COL8A1: variants seen among roughly 807,000 people sequenced by gnomAD.
The protein encoded by COL8A1 is collagen alpha-1(VIII) chain.
Under a neutral mutation model 42.7 loss-of-function variants are expected in COL8A1, and 21 were observed. The observed-to-expected ratio is 0.49, with a 90% CI of 0.35 to 0.71. COL8A1 has a LOEUF of 0.71. Among genes scored for constraint, COL8A1 ranks in the 30% least tolerant of loss-of-function variants. COL8A1 has a pLI of 0.01. For synonymous variants in COL8A1, 367 were observed against 369.1 expected (o/e 0.99, Z 0.06); for missense variants, 788 against 962.4 (o/e 0.82, Z 2.40).
chr3:99,720,246 T>C lies in COL8A1; in HGVS notation c.-128-24651T>C, dbSNP rs150348860. 2.9e-3 allele frequency among the ~76,000 whole-genome samples: 435 copies of C among 152,268 alleles called. 2 individuals are homozygous for C. The highest frequency in any genetic ancestry group is 0.014 in the Middle Eastern group (4 of 294). On this transcript the variant is annotated intron_variant, in intron 1 of 3. Transcript: ENST00000652472. ...CTAGTAGATCTCTCTCTGCTAAGGT[T>C]AGAGCAAAGAAGGAGAGTTAACTTT... is the stretch of plus-strand genomic sequence containing the variant.
intron 1 of COL8A1, among the ~76,000 whole-genome samples, chr3:99,717,324 C>T (rs918035551): frequency 1.3e-5 from 2 of 151,970 alleles, no homozygotes; most frequent in African/African-American, 2.4e-5. Context: ...GCACCATTTT[C>T]CCTTTCAGCC....
At chr3:99,733,345 G>C (rs1397227531) in intron 1 of COL8A1, among the ~76,000 whole-genome samples, 1 of 131,300 alleles carries the variant, frequency 7.6e-6, no homozygotes, top group African/African-American at 3.0e-5. Flanking sequence ...TCCCCTTCCT[G>C]TGTCCATGTG....
At chr3:99,658,474 T>C (rs1025890774) in intron 1 of COL8A1, among the ~76,000 whole-genome samples, 2 of 152,220 alleles carry the variant, frequency 1.3e-5, no homozygotes, top group African/African-American at 4.8e-5. Context: ...AGCATCCTTC[T>C]ATGGCATCTA....
intron 1 of COL8A1, among the ~76,000 whole-genome samples, chr3:99,712,727 G>A (rs1326738166): frequency 1.3e-5 from 2 of 152,088 alleles, no homozygotes; most frequent in Non-Finnish European, 2.9e-5. Context: ...GAATTAGACA[G>A]ACATGGAAGC....
chr3:99,652,839 CCCT>C (rs1937890563), intron 1 of COL8A1, among the ~76,000 whole-genome samples: 1 of 152,120 alleles, frequency 6.6e-6, no homozygotes, highest in Admixed American at 6.6e-5. Flanking sequence ...TTTTAAATCC[CCCT>C]TTTTATTTAA....
intron 1 of COL8A1, among the ~76,000 whole-genome samples, chr3:99,710,301 C>T (rs1939798867): frequency 6.6e-6 from 1 of 152,104 alleles, no homozygotes; most frequent in African/African-American, 2.4e-5. Flanking sequence ...GAAATGGCAT[C>T]ATGGGGAGGA....
chr3:99,691,347 G>A (rs995265734), intron 1 of COL8A1: 3 of 152,098 alleles, frequency 2.0e-5, no homozygotes, highest in Non-Finnish European at 2.9e-5. Flanking sequence ...CTTATATAGG[G>A]TGTACTACCC....
chr3:99,748,002 A>C (rs923894306), intron 2 of COL8A1, among the ~76,000 whole-genome samples: 22 of 152,320 alleles, frequency 1.4e-4, no homozygotes, highest in African/African-American at 5.3e-4. Context: ...AATGCTTTAC[A>C]TGTGTATGGT....
At chr3:99,723,003 T>TTGTGTGTGTGTGTGTGTGTGTGTG (rs34062497) in intron 1 of COL8A1, among the ~76,000 whole-genome samples, 5 of 147,078 alleles carry the variant, frequency 3.4e-5, no homozygotes, top group African/African-American at 1.3e-4. Context: ...GAGACCAAAG[T>TTGTGTGTGTGTGTGTGTGTGTGTG]TGTGTGTGTG....
chr3:99,795,131 T>A lies in COL8A1; in HGVS notation c.1230T>A (p.Pro410=), dbSNP rs780400794. ...PMGPPGAIGF[P]GPKGEGGIVG... ...GCCCTCCAGGTGCTATTGGTTTTCC[T>A]GGACCCAAAGGAGAAGGTGGGATTG... The change falls in exon 4 of 4, where the codon CCT becomes CCA. Residue 410 remains proline (P), a synonymous_variant. Coordinates refer to ENST00000652472, the MANE Select transcript of COL8A1 (RefSeq NM_020351.4). The A allele has an allele frequency of 6.2e-7, 1 of 1,613,544 alleles. No homozygotes were observed. Among genetic ancestry groups the A allele is most frequent in the East Asian group, 2.2e-5 (1 of 44,796 alleles).
At chr3:99,743,838 T>C (rs1478404562) in intron 1 of COL8A1, among the ~76,000 whole-genome samples, 1 of 152,200 alleles carries the variant, frequency 6.6e-6, no homozygotes, top group Non-Finnish European at 1.5e-5. Context: ...TCTGCATTTA[T>C]AACAAATACT....
intron 1 of COL8A1, among the ~76,000 whole-genome samples, chr3:99,730,092 T>A (rs747038081): frequency 6.6e-6 from 1 of 152,170 alleles, no homozygotes; most frequent in Non-Finnish European, 1.5e-5. Context: ...TCCTTTCTTT[T>A]CCTGATTCCT....
At chr3:99,791,604 C>T (rs1319104248) in intron 3 of COL8A1, among the ~76,000 whole-genome samples, 2 of 152,160 alleles carry the variant, frequency 1.3e-5, no homozygotes, top group Non-Finnish European at 2.9e-5. Context: ...GCTTTCTTGG[C>T]GTATTTATTT....
intron 1 of COL8A1, among the ~76,000 whole-genome samples, chr3:99,661,936 G>A (rs1326678414): frequency 6.6e-6 from 1 of 152,190 alleles, no homozygotes; most frequent in Non-Finnish European, 1.5e-5. Context: ...AGAGAAAGTA[G>A]AATGATGTGC....
chr3:99,656,643 G>A (rs541168878), intron 1 of COL8A1, among the ~76,000 whole-genome samples: 8 of 152,236 alleles, frequency 5.3e-5, no homozygotes, highest in African/African-American at 1.9e-4. Context: ...AGATGCAAAG[G>A]CAGTCAGTCT....
At position 99,791,014 on chromosome 3, in the gene COL8A1, A is replaced by T; in HGVS notation, c.328+4A>T. On this transcript the variant is annotated splice_donor_region_variant and intron_variant, in intron 3 of 3. Transcript: ENST00000652472. ...GCCGTACCCAAGAAAGGCAAAGGTA[A>T]CATCATACTCCCAGGCTGTTATAAA... 1.2e-6 allele frequency: 2 copies of T among 1,607,396 alleles called. No homozygotes were observed. The highest frequency in any genetic ancestry group is 1.7e-6 in the Non-Finnish European group (2 of 1,174,720).
intron 1 of COL8A1, among the ~76,000 whole-genome samples, chr3:99,650,115 C>T (rs1937794194): frequency 6.6e-6 from 1 of 152,164 alleles, no homozygotes; most frequent in South Asian, 2.1e-4. Flanking sequence ...ATCTGATGGG[C>T]TACTACTCCC....
intron 1 of COL8A1, among the ~76,000 whole-genome samples, chr3:99,683,326 A>C (rs1335074510): frequency 6.6e-6 from 1 of 152,200 alleles, no homozygotes; most frequent in Non-Finnish European, 1.5e-5. Context: ...ATATCTGTTA[A>C]AGAATGATTG....
chr3:99,668,233 C>T (rs1328140491), intron 1 of COL8A1, among the ~76,000 whole-genome samples: 2 of 152,028 alleles, frequency 1.3e-5, no homozygotes, highest in Non-Finnish European at 2.9e-5. Flanking sequence ...AAAAGAAATT[C>T]CTGACTAAAA....
Sources: gnomAD v4.1 joint callset for allele counts (sites outside exome capture counted in the v4.1 genomes callset) on GRCh38, gnomAD v4.1.1 for gene constraint, MANE v1.5 for transcripts, NCBI Gene and HGNC (gene_info 2026-07-23, HGNC 2026-07-21) for gene names.